The following MED12L variants were observed in gnomAD, a reference collection of about 807,000 sequenced individuals.
MED12L encodes mediator complex subunit 12L, also known as mediator of RNA polymerase II transcription subunit 12-like protein.
Under a neutral mutation model 281.3 loss-of-function variants are expected in MED12L, and 60 were observed. The observed-to-expected ratio is 0.21, with a 90% CI of 0.17 to 0.26. MED12L has a LOEUF of 0.26. Ranked by LOEUF, MED12L falls within the 10% of genes least tolerant of loss-of-function variation. The pLI is 1.00. For synonymous variants in MED12L, 974 were observed against 987.2 expected, an observed-to-expected ratio of 0.99 and a Z score of 0.25; for missense variants, 2,146 against 2,680.9, an observed-to-expected ratio of 0.80 and a Z score of 4.41.
intron 16 of MED12L, among the ~76,000 whole-genome samples, chr3:151,223,645 A>G (rs1729867130): frequency 6.6e-6 from 1 of 152,224 alleles, no homozygotes; most frequent in Admixed American, 6.5e-5. Context: ...TTGGATACAC[A>G]TGGACACAAA....
At chr3:151,324,459 G>A (rs961537073) in intron 16 of MED12L, among the ~76,000 whole-genome samples, 18 of 152,152 alleles carry the variant, frequency 1.2e-4, no homozygotes, top group African/African-American at 4.3e-4. Context: ...TGGGAGACTG[G>A]AATTGTGAAT....
chr3:151,377,746 A>AG (rs753019240), intron 30 of MED12L, among the ~76,000 whole-genome samples: 1 of 152,144 alleles, frequency 6.6e-6, no homozygotes, highest in Non-Finnish European at 1.5e-5. Flanking sequence ...AATTAGAGAG[A>AG]GGGGGTCATC....
chr3:151,129,817 G>A (rs999774187), intron 5 of MED12L, among the ~76,000 whole-genome samples: 1 of 151,682 alleles, frequency 6.6e-6, no homozygotes, highest in African/African-American at 2.4e-5. Context: ...CACCCATGTT[G>A]GAGTGCAGTG....
Position 151,190,804 on chromosome 3 carries a change from A to C in MED12L, c.1841A>C (p.His614Pro). 6.2e-7 allele frequency: 1 copy of C among 1,614,174 alleles called. No homozygotes were observed. The highest frequency in any genetic ancestry group is 8.5e-7 in the Non-Finnish European group (1 of 1,180,020). The change falls in exon 14 of 45, where the codon CAT (histidine) becomes CCT (proline). Residue 614 changes from histidine to proline, a missense_variant. Coordinates refer to ENST00000687756, the MANE Select transcript of MED12L (RefSeq NM_001393769.1). ...TTCATCCGCCATGATGTCTTCTCCC[A>C]TGACGCATACATGTGTACCCTCATA... is the stretch of plus-strand genomic sequence containing the variant. ...CEFIRHDVFS[H>P]DAYMCTLISR...
intron 9 of MED12L, among the ~76,000 whole-genome samples, chr3:151,164,481 C>T (rs1381012286): frequency 1.3e-5 from 2 of 152,128 alleles, no homozygotes; most frequent in African/African-American, 4.8e-5. Flanking sequence ...CCATTTGACC[C>T]AGCCATCCCA....
chr3:151,106,292 T>TCCTTTC (rs1722025741), intron 2 of MED12L, among the ~76,000 whole-genome samples: 3 of 93,772 alleles, frequency 3.2e-5, no homozygotes, highest in Non-Finnish European at 3.9e-5. Flanking sequence ...CTTTTCCTTT[T>TCCTTTC]CCTTTTCCTT....
Position 151,283,039 on chromosome 3 carries a change from T to C in MED12L, c.2251-67020T>C, listed in dbSNP as rs560530085. ...ACCTCTTGCAATGAATGACAGGACA[T>C]GGGACTTCATTGGCAATTGTGCACT... On this transcript the variant is annotated intron_variant, in intron 16 of 44. Coordinates refer to ENST00000687756, the MANE Select transcript of MED12L (RefSeq NM_001393769.1). Among the ~76,000 whole-genome samples, 208 of 152,344 alleles carry C rather than the reference T, an allele frequency of 1.4e-3. 1 individual carries two copies. Among genetic ancestry groups the C allele is most frequent in the African/African-American group, 4.9e-3 (204 of 41,588 alleles).
At chr3:151,352,889 A>G (rs1287517389) in intron 17 of MED12L, among the ~76,000 whole-genome samples, 4 of 152,226 alleles carry the variant, frequency 2.6e-5, no homozygotes, top group Non-Finnish European at 1.5e-5. Context: ...AAGCAACAAA[A>G]GAGCAATAAT....
At chr3:151,360,387 G>T in intron 20 of MED12L, 87 bp from the exon 21 acceptor site, 6 of 1,209,914 alleles carry the variant, frequency 5.0e-6, no homozygotes, top group Admixed American at 2.2e-5. Flanking sequence ...TTACCCAAGT[G>T]ATACATATTT....
chr3:151,145,967 A>G (rs979031581), intron 5 of MED12L, among the ~76,000 whole-genome samples: 2 of 152,068 alleles, frequency 1.3e-5, no homozygotes, highest in African/African-American at 4.8e-5. Context: ...TTCCCCTACA[A>G]CTTCCTGAGA....
At chr3:151,197,095 G>T (rs1724765454) in intron 16 of MED12L, among the ~76,000 whole-genome samples, 6 of 152,176 alleles carry the variant, frequency 3.9e-5, no homozygotes, top group Admixed American at 3.3e-4. Context: ...ATCACCAGCA[G>T]TGGAGAGAAT....
chr3:151,179,036 C>A (rs1229283008), intron 11 of MED12L, among the ~76,000 whole-genome samples: 1 of 152,068 alleles, frequency 6.6e-6, no homozygotes, highest in African/African-American at 2.4e-5. Flanking sequence ...CTGTAGAAAA[C>A]CTATTCTAAA....
chr3:151,213,185 G>T, intron 16 of MED12L: 1 of 766,556 alleles, frequency 1.3e-6, no homozygotes, highest in Non-Finnish European at 2.1e-6. Context: ...AACTAAATTG[G>T]ATGGCAGTGC....
Position 151,355,169 on chromosome 3 carries a change from C to T in MED12L, c.2447C>T (p.Pro816Leu), listed in dbSNP as rs1753754646. ...AGGAAGAACAAACAGGAGACATTTC[C>T]AACACTGGAGACTGTGTTCACTAAA... ...KARKNKQETF[P>L]TLETVFTKLQ... Residue 816 changes from proline (P) to leucine (L), a missense_variant, in exon 18 of 45, where the codon CCA becomes CTA. By Grantham distance (98) the Pro-to-Leu change is moderately conservative (BLOSUM62 -3). Coordinates refer to ENST00000687756, the MANE Select transcript of MED12L (RefSeq NM_001393769.1). 6.8e-6 allele frequency: 11 copies of T among 1,613,972 alleles called. No homozygotes were observed. The highest frequency in any genetic ancestry group is 9.3e-6 in the Non-Finnish European group (11 of 1,179,944).
At chr3:151,191,442 T>C (rs934590268) in intron 14 of MED12L, among the ~76,000 whole-genome samples, 2 of 152,276 alleles carry the variant, frequency 1.3e-5, no homozygotes, top group African/African-American at 2.4e-5. Flanking sequence ...TGTAGAAGTG[T>C]CCTTTTCAAC....
At chr3:151,425,870 T>C (rs1718822543) in intron 43 of MED12L, 1 of 406,886 alleles carries the variant, frequency 2.5e-6, no homozygotes. Flanking sequence ...CTTCAGCTGA[T>C]CTTTGAAGGA....
At chr3:151,222,691 CTT>C (rs1250746332) in intron 16 of MED12L, among the ~76,000 whole-genome samples, 1 of 152,166 alleles carries the variant, frequency 6.6e-6, no homozygotes, top group East Asian at 1.9e-4. Flanking sequence ...TCAAATATGT[CTT>C]TATCAGCAGT....
intron 5 of MED12L, among the ~76,000 whole-genome samples, chr3:151,154,903 T>C (rs1302259086): frequency 6.6e-6 from 1 of 152,272 alleles, no homozygotes; most frequent in Non-Finnish European, 1.5e-5. Context: ...AGGAACAGAA[T>C]GTCGACCTAG....
Position 151,320,611 on chromosome 3 carries a change from GTCTGCTTTACACGAAACACCTTTT to G in MED12L, c.2251-29443_2251-29420del, listed in dbSNP as rs1246806806. Reference sequence around the variant, plus strand: ...ATTTGAAATTATTTGTATCTATCAGGTCTGCTTTACACGAAACACCTTTTTCTGGTATGAGAACTTCATTTGATT... The same window carrying G: ...ATTTGAAATTATTTGTATCTATCAGGTCTGGTATGAGAACTTCATTTGATT... On this transcript the variant is annotated intron_variant, in intron 16 of 44. Transcript: ENST00000687756. Among the ~76,000 whole-genome samples, 14 of 152,240 alleles carry G rather than the reference GTCTGCTTTACACGAAACACCTTTT, an allele frequency of 9.2e-5. No homozygotes were observed. The East Asian group carries it at 2.7e-3, about 29-fold the overall frequency.
Sources: allele counts gnomAD v4.1 joint callset (sites outside exome capture counted in the v4.1 genomes callset), GRCh38; gene constraint gnomAD v4.1.1; transcripts MANE v1.5; gene names NCBI Gene and HGNC (gene_info 2026-07-23, HGNC 2026-07-21).